PAPOLG: variants seen among roughly 807,000 people sequenced by gnomAD.
PAPOLG encodes PAP-gamma.
Under a neutral mutation model 99.0 loss-of-function variants are expected in PAPOLG, and 40 were observed. The observed-to-expected ratio is 0.40, with a 90% CI of 0.31 to 0.53. PAPOLG has a LOEUF of 0.53. Ranked by LOEUF, PAPOLG falls within the 20% of genes least tolerant of loss-of-function variation. The pLI, the probability that PAPOLG is intolerant of heterozygous loss-of-function variation, is 0.41. For synonymous variants in PAPOLG, 310 were observed against 299.3 expected, an observed-to-expected ratio of 1.04 and a Z score of -0.37; for missense variants, 675 against 884.1, an observed-to-expected ratio of 0.76 and a Z score of 3.00.
rs1168640675 is a variant in PAPOLG, at chr2:60,797,592, A to C, written c.*432A>C. The C allele has an allele frequency of 6.4e-6, 1 of 155,360 alleles. No homozygotes were observed. The highest frequency in any genetic ancestry group is 1.4e-5 in the Non-Finnish European group (1 of 69,784). 9.6% of individuals were successfully genotyped at this position (155,360 alleles called of 1,614,324 possible). ...CTAAAAAAATTGAAAACAAACAAAA[A>C]AATTGTCTTGTATTTTCCAAATGTT... On this transcript the variant is annotated 3_prime_UTR_variant, in exon 22 of 22. Transcript: ENST00000238714.
rs930883092 is a variant in PAPOLG at position 60,801,406 on chromosome 2, A to G, written c.*4246A>G. 3 of 151,996 alleles carry G rather than the reference A, an allele frequency of 2.0e-5. No individual in the cohort carries two copies. The highest frequency in any genetic ancestry group is 4.8e-5 in the African/African-American group (2 of 41,492). The allele number at this position is 151,996 out of a possible 1,614,324, so 9.4% of individuals were successfully genotyped here. On this transcript the variant is annotated 3_prime_UTR_variant, in exon 22 of 22. Coordinates refer to ENST00000238714, the MANE Select transcript of PAPOLG (RefSeq NM_022894.4). Reference sequence around the variant, plus strand: ...TCTCAATAATGGTTTTTTTTTTCCAATTGCATAAGGTCACGTCATCCCCCA... The same window carrying G: ...TCTCAATAATGGTTTTTTTTTTCCAGTTGCATAAGGTCACGTCATCCCCCA...
At chr2:60,771,383 A>G (rs1009332604) in intron 6 of PAPOLG, 136 bp from the exon 7 acceptor site, 1 of 969,862 alleles carries the variant, frequency 1.0e-6, no homozygotes, top group African/African-American at 1.7e-5. Flanking sequence ...GAGACTGCCT[A>G]CATAGGCCTA....
Position 60,800,428 on chromosome 2 carries a change from C to G in PAPOLG, c.*3268C>G, listed in dbSNP as rs1170090403. On this transcript the variant is annotated 3_prime_UTR_variant, in exon 22 of 22. Coordinates refer to ENST00000238714, the MANE Select transcript of PAPOLG (RefSeq NM_022894.4). ...GAACTCCTCACCTCAAGTGATCTGG[C>G]TGCTTCGGCCACCCTAAGTGCTGGG... 6.6e-6 allele frequency: 1 copy of G among 152,314 alleles called. No homozygotes were observed. Among genetic ancestry groups the G allele is most frequent in the Non-Finnish European group, 1.5e-5 (1 of 68,044 alleles). 9.4% of individuals were successfully genotyped at this position (152,314 alleles called of 1,614,324 possible).
intron 9 of PAPOLG, 42 bp downstream of exon 9, chr2:60,779,817 A>G (rs761292132): frequency 2.0e-6 from 3 of 1,519,308 alleles, no homozygotes; most frequent in Non-Finnish European, 2.7e-6. Context: ...ACTAATCTCT[A>G]CCTATGCGTA....
chr2:60,767,517 G>A (rs368303311), intron 3 of PAPOLG, among the ~76,000 whole-genome samples: 3 of 151,952 alleles, frequency 2.0e-5, no homozygotes, highest in South Asian at 4.2e-4. Flanking sequence ...TGCTCAGGCT[G>A]GTCTTGAACT....
At chr2:60,766,194 A>T (rs1558680707) in intron 3 of PAPOLG, among the ~76,000 whole-genome samples, 1 of 152,250 alleles carries the variant, frequency 6.6e-6, no homozygotes, top group Non-Finnish European at 1.5e-5. Flanking sequence ...TTGAAGATTA[A>T]ATATGAAATA....
At chr2:60,767,694 T>G (rs1243178474) in intron 3 of PAPOLG, among the ~76,000 whole-genome samples, 1 of 152,226 alleles carries the variant, frequency 6.6e-6, no homozygotes, top group Non-Finnish European at 1.5e-5. Context: ...GACTCCGTTC[T>G]TACAGAAAGG....
At position 60,792,261 on chromosome 2, in the gene PAPOLG, G is replaced by GAT; in HGVS notation, c.1653_1654dup (p.Ser552IlefsTer5). The GAT allele has an allele frequency of 6.2e-7, 1 of 1,607,406 alleles. No individual in the cohort carries two copies. Among genetic ancestry groups the GAT allele is most frequent in the Non-Finnish European group, 8.5e-7 (1 of 1,178,576 alleles). ...TTTTAATTCTCCAGCGTCCAAGTCT[G>GAT]ATAGCCCTTCTGTAGGAGAAACAGA... On this transcript the variant is annotated frameshift_variant, in exon 17 of 22. Transcript: ENST00000238714. LOFTEE classifies it high-confidence loss of function.
intron 14 of PAPOLG, 157 bp from the exon 15 acceptor site, chr2:60,787,354 C>G (rs975768474): frequency 2.0e-6 from 1 of 489,754 alleles, no homozygotes; most frequent in African/African-American, 2.1e-5. Context: ...GGATAACTTA[C>G]CAGTTCTGGA....
At chr2:60,788,933 G>A (rs528415934) in intron 15 of PAPOLG, among the ~76,000 whole-genome samples, 1 of 152,290 alleles carries the variant, frequency 6.6e-6, no homozygotes, top group Admixed American at 6.5e-5. Flanking sequence ...GGTCAAGGCT[G>A]CAGTGAGCCG....
In PAPOLG at chr2:60,797,442, T is replaced by G. The variant is rs1409867407; in HGVS notation, c.*282T>G. ...ATTTGGGGGTTTTACTGCCTTAACT[T>G]TCAATGCTTGTTATGGGAACCAGTT... On this transcript the variant is annotated 3_prime_UTR_variant, in exon 22 of 22. Transcript: ENST00000238714. 4 of 366,388 alleles carry G rather than the reference T, an allele frequency of 1.1e-5. No individual in the cohort carries two copies. Among genetic ancestry groups the G allele is most frequent in the Non-Finnish European group, 2.0e-5 (4 of 201,258 alleles). The allele number at this position is 366,388 out of a possible 1,614,324, so 22.7% of individuals were successfully genotyped here.
Position 60,797,051 on chromosome 2 carries a change from C to G in PAPOLG, c.2113-11C>G, listed in dbSNP as rs1671730417. On this transcript the variant is annotated splice_polypyrimidine_tract_variant and intron_variant, in intron 21 of 21. Transcript: ENST00000238714. ...GCTTTTCCTTTTTTGTTTCCTCTTT[C>G]TTTCTAATAGAGACTACCCAGTAAA... The G allele has an allele frequency of 6.2e-7, 1 of 1,612,126 alleles. No homozygotes were observed. The highest frequency in any genetic ancestry group is 8.5e-7 in the Non-Finnish European group (1 of 1,178,624).
Position 60,794,772 on chromosome 2 carries a change from A to G in PAPOLG, c.2052A>G (p.Ser684=), listed in dbSNP as rs373332142. The part of the protein sequence containing the change: ...PRTAEERKRK[S]VDAIGGESMP... ...CTGCTGAAGAAAGAAAAAGAAAATCAGTGGTAAATATATTAATAGTGTGCT... is the reference window on the plus strand; with the variant it reads ...CTGCTGAAGAAAGAAAAAGAAAATCGGTGGTAAATATATTAATAGTGTGCT... Residue 684 remains serine, a synonymous_variant, in exon 20 of 22, where the codon TCA becomes TCG. Coordinates refer to ENST00000238714, the MANE Select transcript of PAPOLG (RefSeq NM_022894.4). The G allele has an allele frequency of 1.9e-6, 3 of 1,603,356 alleles. No homozygotes were observed. Among genetic ancestry groups the G allele is most frequent in the Non-Finnish European group, 1.7e-6 (2 of 1,170,514 alleles).
chr2:60,796,769 T>G (rs1396659572), intron 21 of PAPOLG, among the ~76,000 whole-genome samples: 1 of 152,132 alleles, frequency 6.6e-6, no homozygotes, highest in African/African-American at 2.4e-5. Flanking sequence ...TTTATGCATT[T>G]CTTGATCCAG....
intron 3 of PAPOLG, among the ~76,000 whole-genome samples, chr2:60,763,794 A>C (rs1670593399): frequency 6.6e-6 from 1 of 150,906 alleles, no homozygotes; most frequent in Non-Finnish European, 1.5e-5. Flanking sequence ...GTGAGCCATC[A>C]CACCTGGCCT....
rs536562782 is a variant in PAPOLG, at chr2:60,795,670, G to T, written c.2112+650G>T. ...ATGATAAATAATTATAAATATATATGATGATAATTATAAATTATAATTTAT... is the reference window on the plus strand; with the variant it reads ...ATGATAAATAATTATAAATATATATTATGATAATTATAAATTATAATTTAT... On this transcript the variant is annotated intron_variant, in intron 21 of 21. Transcript: ENST00000238714. Among the ~76,000 whole-genome samples, 136 of 150,434 alleles carry T rather than the reference G, an allele frequency of 9.0e-4. 1 individual carries two copies. The highest frequency in any genetic ancestry group is 3.1e-3 in the African/African-American group (128 of 41,098).
chr2:60,775,005 G>A (rs1356393573), intron 7 of PAPOLG, 29 bp from the exon 8 acceptor site: 1 of 1,611,332 alleles, frequency 6.2e-7, no homozygotes, highest in Non-Finnish European at 8.5e-7. Flanking sequence ...TTGCTGCATA[G>A]TGAAAAATGA....
At chr2:60,770,142 C>T (rs1670807017) in intron 5 of PAPOLG, among the ~76,000 whole-genome samples, 1 of 152,144 alleles carries the variant, frequency 6.6e-6, no homozygotes. Context: ...CTTTCCAGTT[C>T]TGAGGAATAT....
intron 10 of PAPOLG, 131 bp downstream of exon 10, chr2:60,780,910 T>G (rs1671168808): frequency 2.8e-6 from 2 of 702,674 alleles, no homozygotes; most frequent in Non-Finnish European, 2.4e-6. Context: ...CCCTTCCTCC[T>G]TCTGCTGTGG....
Sources: allele counts gnomAD v4.1 joint callset (sites outside exome capture counted in the v4.1 genomes callset), GRCh38; gene constraint gnomAD v4.1.1; transcripts MANE v1.5; gene names NCBI Gene and HGNC (gene_info 2026-07-23, HGNC 2026-07-21).